Variants in ANKRD27 observed in about 807,000 individuals in gnomAD.
ANKRD27 encodes ankyrin repeat domain-containing protein 27.
ANKRD27 carries 112 observed loss-of-function variants against 129.7 expected under a neutral mutation model. The observed-to-expected ratio is 0.86, with a 90% CI of 0.74 to 1.01. The LOEUF (loss-of-function observed/expected upper bound fraction) is 1.01, where lower values mean the gene tolerates loss of function less well. ANKRD27 is among the 50% of genes least tolerant of loss of function. The pLI is 0.00. For missense variants in ANKRD27, 1,258 were observed against 1,300.5 expected (o/e 0.97, Z 0.50); for synonymous variants, 516 against 511.2 (o/e 1.01, Z -0.13).
chr19:32,665,572 G>A (rs189481166), intron 1 of ANKRD27, among the ~76,000 whole-genome samples: 1 of 151,728 alleles, frequency 6.6e-6, no homozygotes, highest in Non-Finnish European at 1.5e-5. Flanking sequence ...CCATTCTCCT[G>A]CCTCAGCCTC....
chr19:32,619,833 G>A (rs1243727313), intron 18 of ANKRD27, among the ~76,000 whole-genome samples: 1 of 152,122 alleles, frequency 6.6e-6, no homozygotes, highest in Non-Finnish European at 1.5e-5. Context: ...TGGACGCAAG[G>A]GATAAGAGAA....
chr19:32,604,814 T>C (rs953118815), intron 24 of ANKRD27, among the ~76,000 whole-genome samples: 4 of 152,182 alleles, frequency 2.6e-5, no homozygotes, highest in Non-Finnish European at 4.4e-5. Flanking sequence ...TCCCAGCACT[T>C]TGGGAGGCAG....
In ANKRD27 at chr19:32,659,035, G is replaced by A; in HGVS notation, c.-20C>T. ...AGCCATATGGACTTCAGATGGGTCAGAGCAAATCTCCTGCAATAAGGGAGG... is the reference window on the plus strand; with the variant it reads ...AGCCATATGGACTTCAGATGGGTCAAAGCAAATCTCCTGCAATAAGGGAGG... On this transcript the variant is annotated 5_prime_UTR_variant, in exon 2 of 29. Coordinates refer to ENST00000306065, the MANE Select transcript of ANKRD27 (RefSeq NM_032139.3). 2 of 1,563,856 alleles carry A rather than the reference G, an allele frequency of 1.3e-6. No individual in the cohort carries two copies. Among genetic ancestry groups the A allele is most frequent in the Non-Finnish European group, 1.8e-6 (2 of 1,134,602 alleles).
chr19:32,599,827 ACT>A (rs1257382124), intron 27 of ANKRD27, 51 bp from the exon 28 acceptor site: 1 of 1,593,558 alleles, frequency 6.3e-7, no homozygotes, highest in East Asian at 2.2e-5. Flanking sequence ...GGCATGAAAC[ACT>A]CTGGTTGGCC....
chr19:32,643,829 G>A, intron 5 of ANKRD27, 198 bp from the exon 6 acceptor site: 3 of 595,442 alleles, frequency 5.0e-6, no homozygotes, highest in South Asian at 4.0e-5. Flanking sequence ...TAACACAGAG[G>A]ATAATAATAC....
At chr19:32,637,756 C>T (rs1412543218) in intron 12 of ANKRD27, 2 of 152,388 alleles carry the variant, frequency 1.3e-5, no homozygotes, top group Non-Finnish European at 2.9e-5. Context: ...CCTGCCGCCG[C>T]AGGCTCGTAA....
chr19:32,616,327 C>A (rs1321725965), intron 21 of ANKRD27, among the ~76,000 whole-genome samples: 1 of 152,070 alleles, frequency 6.6e-6, no homozygotes, highest in Non-Finnish European at 1.5e-5. Context: ...CCTAAGCAGG[C>A]AGATCACCTG....
At chr19:32,603,440 C>T (rs558200318) in intron 25 of ANKRD27, among the ~76,000 whole-genome samples, 47 of 152,264 alleles carry the variant, frequency 3.1e-4, no homozygotes, top group African/African-American at 1.1e-3. Context: ...AGCTGCCGCT[C>T]GCCAGGGGAA....
chr19:32,599,566 C>T (rs960141736), intron 28 of ANKRD27, 138 bp downstream of exon 28: 2 of 706,948 alleles, frequency 2.8e-6, no homozygotes, highest in African/African-American at 3.6e-5. Context: ...TGAAATAATT[C>T]CAGTTTTAAC....
intron 1 of ANKRD27, among the ~76,000 whole-genome samples, chr19:32,661,557 G>A (rs1262032895): frequency 6.6e-6 from 1 of 152,020 alleles, no homozygotes; most frequent in Non-Finnish European, 1.5e-5. Context: ...TGCCCACGCT[G>A]AACTTGAACT....
At chr19:32,611,538 C>T (rs1971835441) in intron 22 of ANKRD27, among the ~76,000 whole-genome samples, 1 of 152,198 alleles carries the variant, frequency 6.6e-6, no homozygotes, top group Admixed American at 6.5e-5. Context: ...AATTATCCTA[C>T]AATATAAAGG....
At chr19:32,635,538 C>G (rs886597786) in intron 12 of ANKRD27, among the ~76,000 whole-genome samples, 2 of 152,100 alleles carry the variant, frequency 1.3e-5, no homozygotes, top group Admixed American at 6.6e-5. Flanking sequence ...CTCCTGGCCT[C>G]GGGTGATCCA....
chr19:32,642,001 C>T, intron 10 of ANKRD27, 23 bp downstream of exon 10: 1 of 1,557,200 alleles, frequency 6.4e-7, no homozygotes, highest in South Asian at 1.2e-5. Context: ...ACCCCTTGGC[C>T]AGTCCCCTTT....
In ANKRD27 at chr19:32,612,074, T is replaced by C. The variant is rs142650502; in HGVS notation, c.2175+3584A>G. Among the ~76,000 whole-genome samples the C allele has an allele frequency of 8.3e-4, 126 of 152,258 alleles. 2 individuals carry two copies. Among genetic ancestry groups the C allele is most frequent in the Non-Finnish European group, 1.5e-3 (99 of 68,030 alleles). ...AGTATGGGACATACACATCTATAAT[T>C]AGATAGCTAACACATGAATGCATGC... On this transcript the variant is annotated intron_variant, in intron 22 of 28. Coordinates refer to ENST00000306065, the MANE Select transcript of ANKRD27 (RefSeq NM_032139.3).
In ANKRD27 at chr19:32,619,567, G is replaced by A. The variant is rs1971976616; in HGVS notation, c.1828-14C>T. The A allele has an allele frequency of 6.2e-7, 1 of 1,614,002 alleles. No individual in the cohort carries two copies. Among genetic ancestry groups the A allele is most frequent in the Non-Finnish European group, 8.5e-7 (1 of 1,180,000 alleles). ...TACAGACAGAATCTAGGGGGACAAG[G>A]GGGATGCCAACAGTACCCCGTGAGA... is the stretch of plus-strand genomic sequence containing the variant. On this transcript the variant is annotated splice_polypyrimidine_tract_variant and intron_variant, in intron 18 of 28. Transcript: ENST00000306065.
chr19:32,666,431 G>C (rs1967756198), intron 1 of ANKRD27: 1 of 152,158 alleles, frequency 6.6e-6, no homozygotes, highest in African/African-American at 2.4e-5. Context: ...TTACAGGTCA[G>C]TGTTCAACTC....
chr19:32,649,293 A>G (rs531282925), intron 3 of ANKRD27, among the ~76,000 whole-genome samples: 1 of 152,108 alleles, frequency 6.6e-6, no homozygotes, highest in African/African-American at 2.4e-5. Context: ...GCTTTTAAAA[A>G]CTAAAATATT....
At chr19:32,638,154 G>C (rs1967126192) in intron 12 of ANKRD27, 1 of 152,368 alleles carries the variant, frequency 6.6e-6, no homozygotes, top group Non-Finnish European at 1.5e-5. Context: ...CCCAAGTGGA[G>C]TCCACGACCC....
intron 26 of ANKRD27, 45 bp from the exon 27 acceptor site, chr19:32,600,095 T>C (rs1412910720): frequency 7.4e-7 from 1 of 1,358,236 alleles, no homozygotes; most frequent in Non-Finnish European, 1.0e-6. Flanking sequence ...AAAACAGTTG[T>C]AAAGATTATT....
Sources: gnomAD v4.1 joint callset for allele counts (sites outside exome capture counted in the v4.1 genomes callset) on GRCh38, gnomAD v4.1.1 for gene constraint, MANE v1.5 for transcripts, NCBI Gene and HGNC (gene_info 2026-07-23, HGNC 2026-07-21) for gene names.